The following FMN1 variants were observed in gnomAD, a reference collection of about 807,000 sequenced individuals.
The protein encoded by FMN1 is formin-1.
FMN1 carries 110 observed loss-of-function variants against 132.4 expected under a neutral mutation model. The ratio of observed to expected loss-of-function variants is 0.83; its 90% confidence interval spans 0.71 to 0.97. The LOEUF is 0.97. Ranked by LOEUF, FMN1 falls within the 50% of genes least tolerant of loss-of-function variation. FMN1 has a pLI of 0.00. For synonymous variants in FMN1, 722 were observed against 651.7 expected (o/e 1.11, Z -1.64); for missense variants, 1,792 against 1,705.3 (o/e 1.05, Z -0.90).
At chr15:33,019,772 CGGG>C (rs1405752351) in intron 6 of FMN1, among the ~76,000 whole-genome samples, 1 of 152,188 alleles carries the variant, frequency 6.6e-6, no homozygotes, top group Non-Finnish European at 1.5e-5. Context: ...ACTCGGAGTG[CGGG>C]GCCCGCCAAG....
Position 32,888,169 on chromosome 15 carries a change from T to C in FMN1, c.3835+3A>G. On this transcript the variant is annotated splice_donor_region_variant and intron_variant, in intron 16 of 20. Transcript: ENST00000616417. ...ATCATAATAGCAGAACAGTTCCTAT[T>C]ACCTTCTAGTTGCCTCTTCAGTTTT... 6.2e-7 allele frequency: 1 copy of C among 1,603,316 alleles called. No homozygotes were observed. The highest frequency in any genetic ancestry group is 1.3e-5 in the African/African-American group (1 of 74,298).
At chr15:32,990,473 G>A (rs1049145726) in intron 7 of FMN1, among the ~76,000 whole-genome samples, 2 of 152,128 alleles carry the variant, frequency 1.3e-5, no homozygotes, top group Non-Finnish European at 2.9e-5. Flanking sequence ...GAGTTGGAAC[G>A]GAATTCAAGT....
At chr15:33,130,067 C>G (rs941315454) in intron 4 of FMN1, among the ~76,000 whole-genome samples, 1 of 152,098 alleles carries the variant, frequency 6.6e-6, no homozygotes, top group African/African-American at 2.4e-5. Context: ...CACCTGACCT[C>G]GTGATCCACC....
chr15:32,860,232 G>C (rs993057776), intron 16 of FMN1, among the ~76,000 whole-genome samples: 3 of 151,072 alleles, frequency 2.0e-5, no homozygotes, highest in African/African-American at 7.3e-5. Flanking sequence ...AGGTAGGAAG[G>C]GAGGGAGGAA....
chr15:33,026,120 CACACACA>C (rs1566840853), intron 6 of FMN1, among the ~76,000 whole-genome samples: 1 of 133,976 alleles, frequency 7.5e-6, no homozygotes, highest in Non-Finnish European at 1.7e-5. Flanking sequence ...CACACACACA[CACACACA>C]CACACAGAGG....
intron 4 of FMN1, among the ~76,000 whole-genome samples, chr15:33,119,182 A>G (rs569527773): frequency 4.6e-5 from 7 of 152,318 alleles, no homozygotes; most frequent in African/African-American, 1.7e-4. Context: ...ATTCATCTCT[A>G]TGTTCAATGA....
intron 6 of FMN1, among the ~76,000 whole-genome samples, chr15:33,047,406 A>C (rs1360154953): frequency 6.6e-6 from 1 of 152,190 alleles, no homozygotes; most frequent in Non-Finnish European, 1.5e-5. Context: ...TGTGTGCCTA[A>C]AGTTGAGTAA....
Position 33,153,593 on chromosome 15 carries a change from A to G in FMN1, c.1322T>C (p.Phe441Ser). 6.5e-7 allele frequency: 1 copy of G among 1,536,160 alleles called. No homozygotes were observed. The highest frequency in any genetic ancestry group is 8.7e-7 in the Non-Finnish European group (1 of 1,146,890). The change falls in exon 4 of 21, where the codon TTC becomes TCC. Residue 441 changes from phenylalanine (F) to serine (S), a missense_variant. This residue lies in a region of FMN1 where 638 missense variants were observed against 645.2 expected (regional missense o/e 0.99). Transcript: ENST00000616417. Reference sequence around the variant, plus strand: ...GTGAGGGACACTCGTGTGGACAGGGAAGCCCAGTCTTTTCCCCTCAGGGGC... The same window carrying G: ...GTGAGGGACACTCGTGTGGACAGGGGAGCCCAGTCTTTTCCCCTCAGGGGC... Reference protein sequence around the residue: ...DEAPEGKRLGFPVHTSVPHTR... With the variant: ...DEAPEGKRLGSPVHTSVPHTR...
intron 16 of FMN1, among the ~76,000 whole-genome samples, chr15:32,877,783 T>C (rs1210716105): frequency 6.6e-6 from 1 of 152,154 alleles, no homozygotes; most frequent in Admixed American, 6.5e-5. Context: ...CTGACATCTT[T>C]GGCCATAAGG....
At chr15:32,869,309 A>C (rs950969679) in intron 16 of FMN1, among the ~76,000 whole-genome samples, 1 of 152,142 alleles carries the variant, frequency 6.6e-6, no homozygotes, top group Non-Finnish European at 1.5e-5. Flanking sequence ...TGAACGGTGA[A>C]AAGGCTGGTG....
At chr15:32,999,663 A>G (rs1934216443) in intron 7 of FMN1, among the ~76,000 whole-genome samples, 1 of 152,242 alleles carries the variant, frequency 6.6e-6, no homozygotes, top group South Asian at 2.1e-4. Flanking sequence ...GGGGTAAACG[A>G]AAAAGATTCC....
chr15:32,992,952 G>A (rs964976653), intron 7 of FMN1, among the ~76,000 whole-genome samples: 4 of 152,156 alleles, frequency 2.6e-5, no homozygotes, highest in Non-Finnish European at 4.4e-5. Flanking sequence ...TGGATTGCCT[G>A]AAAGATGAAA....
chr15:33,155,604 T>A (rs1274099858), intron 3 of FMN1, among the ~76,000 whole-genome samples: 5 of 152,200 alleles, frequency 3.3e-5, no homozygotes, highest in Admixed American at 3.3e-4. Flanking sequence ...CAGTAAAAAT[T>A]TCAATGTAAA....
intron 17 of FMN1, among the ~76,000 whole-genome samples, chr15:32,832,807 T>C (rs1195299073): frequency 6.6e-6 from 1 of 152,116 alleles, no homozygotes; most frequent in Non-Finnish European, 1.5e-5. Context: ...GAATTGCTGA[T>C]AATCCAAGGC....
chr15:33,051,223 T>C (rs1270624678), intron 6 of FMN1, among the ~76,000 whole-genome samples: 1 of 152,230 alleles, frequency 6.6e-6, no homozygotes, highest in African/African-American at 2.4e-5. Context: ...TGCTTCCTTC[T>C]ATCCTTCCTG....
chr15:32,917,856 A>G (rs1412453283), intron 10 of FMN1, among the ~76,000 whole-genome samples: 2 of 152,350 alleles, frequency 1.3e-5, no homozygotes, highest in Middle Eastern at 3.4e-3. Flanking sequence ...ATGGCATCAT[A>G]TGCTTTTTAC....
chr15:33,118,266 C>G (rs28420167), intron 4 of FMN1, among the ~76,000 whole-genome samples: 1 of 151,944 alleles, frequency 6.6e-6, no homozygotes, highest in Non-Finnish European at 1.5e-5. Context: ...GAGATTTTCT[C>G]ATTTGTTATA....
intron 2 of FMN1, among the ~76,000 whole-genome samples, chr15:33,181,662 G>A (rs917368307): frequency 2.6e-5 from 4 of 151,870 alleles, no homozygotes; most frequent in African/African-American, 9.7e-5. Flanking sequence ...TTTGCATTGC[G>A]GAGAGACAAG....
chr15:32,973,723 G>C (rs2031982279), intron 7 of FMN1, among the ~76,000 whole-genome samples: 1 of 152,040 alleles, frequency 6.6e-6, no homozygotes, highest in Admixed American at 6.5e-5. Context: ...TTCATTCTCT[G>C]TCTGTCCATA....
Sources: gnomAD v4.1 joint callset for allele counts (sites outside exome capture counted in the v4.1 genomes callset) on GRCh38, gnomAD v4.1.1 for gene constraint, gnomAD v4.1.1 regional missense constraint, MANE v1.5 for transcripts, NCBI Gene and HGNC (gene_info 2026-07-23, HGNC 2026-07-21) for gene names.